CAMK1D: variants seen among roughly 807,000 people sequenced by gnomAD.
CAMK1D encodes calcium/calmodulin dependent protein kinase ID, also known as calcium/calmodulin-dependent protein kinase type 1D.
A neutral mutation model predicts 47.7 loss-of-function variants in CAMK1D; 9 were observed. That is an observed-to-expected ratio of 0.19 (90% CI 0.11 to 0.33). The LOEUF is 0.33. CAMK1D is among the 10% of genes least tolerant of loss of function. The pLI is 1.00. For missense variants in CAMK1D, 291 were observed against 488.7 expected (o/e 0.60, Z 3.81); for synonymous variants, 184 against 184.9 (o/e 0.99, Z 0.04).
intron 3 of CAMK1D, among the ~76,000 whole-genome samples, chr10:12,732,925 A>T (rs1255028015): frequency 2.0e-5 from 3 of 152,040 alleles, no homozygotes; most frequent in Non-Finnish European, 4.4e-5. Context: ...CCTCCTTCTC[A>T]GTTTCCTCAT....
intron 2 of CAMK1D, among the ~76,000 whole-genome samples, chr10:12,560,576 G>C (rs1452165091): frequency 1.3e-5 from 2 of 148,314 alleles, no homozygotes; most frequent in African/African-American, 5.0e-5. Flanking sequence ...AAAAAAAGAA[G>C]AAGAAGAAAG....
At chr10:12,571,739 C>T (rs10128231) in intron 2 of CAMK1D, among the ~76,000 whole-genome samples, 6,522 of 152,060 alleles carry the variant, frequency 0.043, 395 homozygotes, top group African/African-American at 0.14. Context: ...CTTAAAGCTC[C>T]GTGAAGGTAG....
At chr10:12,791,266 C>G in intron 6 of CAMK1D, 33 bp downstream of exon 6, 1 of 1,592,306 alleles carries the variant, frequency 6.3e-7, no homozygotes, top group Non-Finnish European at 8.6e-7. Context: ...GGTTCTTCCT[C>G]TACCGGCCTT....
intron 2 of CAMK1D, among the ~76,000 whole-genome samples, chr10:12,572,041 C>CG (rs1224664785): frequency 7.2e-6 from 1 of 138,324 alleles, no homozygotes; most frequent in Non-Finnish European, 1.6e-5. Flanking sequence ...AAAACTAAAC[C>CG]CCCCCCCAAA....
At chr10:12,707,423 T>C (rs893293402) in intron 3 of CAMK1D, among the ~76,000 whole-genome samples, 1 of 152,196 alleles carries the variant, frequency 6.6e-6, no homozygotes, top group African/African-American at 2.4e-5. Flanking sequence ...CAATTTGGCA[T>C]CCCATATCCT....
At chr10:12,478,433 C>T (rs941363015) in intron 1 of CAMK1D, among the ~76,000 whole-genome samples, 1 of 152,142 alleles carries the variant, frequency 6.6e-6, no homozygotes, top group Non-Finnish European at 1.5e-5. Flanking sequence ...TCCTGAGTAC[C>T]TGGGACTACA....
chr10:12,462,400 G>GCCCATCTCT (rs1470472148), intron 1 of CAMK1D, among the ~76,000 whole-genome samples: 7 of 151,704 alleles, frequency 4.6e-5, no homozygotes, highest in Non-Finnish European at 7.4e-5. Context: ...TCTTGACCTT[G>GCCCATCTCT]TGATCCGCCC....
At chr10:12,535,305 ACT>A (rs1835934650) in intron 1 of CAMK1D, among the ~76,000 whole-genome samples, 1 of 150,692 alleles carries the variant, frequency 6.6e-6, no homozygotes, top group Non-Finnish European at 1.5e-5. Context: ...ACCAAATTTC[ACT>A]CTCTGTTCTG....
chr10:12,440,216 T>G (rs181884015), intron 1 of CAMK1D, among the ~76,000 whole-genome samples: 2 of 152,324 alleles, frequency 1.3e-5, no homozygotes, highest in African/African-American at 4.8e-5. Context: ...AAGTCTTACT[T>G]GCATTATGTT....
chr10:12,774,785 G>C (rs1837205818), intron 5 of CAMK1D, among the ~76,000 whole-genome samples: 1 of 152,256 alleles, frequency 6.6e-6, no homozygotes, highest in Admixed American at 6.5e-5. Flanking sequence ...GTTGTGATCT[G>C]TGCCCGCAAG....
At chr10:12,557,751 C>T (rs893667872) in intron 2 of CAMK1D, among the ~76,000 whole-genome samples, 13 of 152,068 alleles carry the variant, frequency 8.5e-5, no homozygotes, top group Admixed American at 2.6e-4. Context: ...TTTATTTCCA[C>T]GCTATTTTCC....
chr10:12,725,355 T>A (rs1411071329), intron 3 of CAMK1D: 1 of 155,990 alleles, frequency 6.4e-6, no homozygotes, highest in Non-Finnish European at 1.5e-5. Flanking sequence ...GCCTAATATA[T>A]TCTTACGTGT....
At chr10:12,624,995 TTCC>T (rs57078350) in intron 2 of CAMK1D, among the ~76,000 whole-genome samples, 12,628 of 148,300 alleles carry the variant, frequency 0.085, 567 homozygotes, top group African/African-American at 0.11. Flanking sequence ...TTCCTCCTCT[TTCC>T]TCCTCCTCCT....
intron 2 of CAMK1D, among the ~76,000 whole-genome samples, chr10:12,647,252 G>A (rs988278827): frequency 2.0e-5 from 3 of 147,610 alleles, no homozygotes; most frequent in South Asian, 2.2e-4. Context: ...CAGTTGAAGC[G>A]ATCCTCCTGA....
At chr10:12,352,350 C>T (rs558944759) in intron 1 of CAMK1D, among the ~76,000 whole-genome samples, 1 of 152,176 alleles carries the variant, frequency 6.6e-6, no homozygotes, top group Non-Finnish European at 1.5e-5. Context: ...TGGCTCACAC[C>T]TGTAATCCCA....
At chr10:12,433,448 G>A (rs1032037630) in intron 1 of CAMK1D, among the ~76,000 whole-genome samples, 1 of 151,930 alleles carries the variant, frequency 6.6e-6, no homozygotes, top group Non-Finnish European at 1.5e-5. Flanking sequence ...AACAGTCTAG[G>A]CTTCCTTAGA....
chr10:12,460,851 G>T (rs1833401982), intron 1 of CAMK1D, among the ~76,000 whole-genome samples: 1 of 152,170 alleles, frequency 6.6e-6, no homozygotes, highest in Non-Finnish European at 1.5e-5. Context: ...ACAGGTGTGA[G>T]CCAGCACTCC....
chr10:12,631,493 G>T (rs984394426), intron 2 of CAMK1D, among the ~76,000 whole-genome samples: 3 of 152,122 alleles, frequency 2.0e-5, no homozygotes, highest in African/African-American at 7.2e-5. Flanking sequence ...TAGCCAATCA[G>T]GTAAAGTGTA....
chr10:12,788,262 C>T lies in CAMK1D; in HGVS notation c.566-2896C>T, dbSNP rs547816483. Among the ~76,000 whole-genome samples, 4 of 152,278 alleles carry T rather than the reference C, an allele frequency of 2.6e-5. No homozygotes were observed. The East Asian group carries it at 7.7e-4, about 29-fold the overall frequency. Reference sequence around the variant, plus strand: ...ATGGAGTGCAATGGCGTGATCATAGCTCACTGCAGCCTCCAACTCTGGGCA... The same window carrying T: ...ATGGAGTGCAATGGCGTGATCATAGTTCACTGCAGCCTCCAACTCTGGGCA... On this transcript the variant is annotated intron_variant, in intron 5 of 10. Coordinates refer to ENST00000619168, the MANE Select transcript of CAMK1D (RefSeq NM_153498.4).
Sources: allele counts gnomAD v4.1 joint callset (sites outside exome capture counted in the v4.1 genomes callset), GRCh38; gene constraint gnomAD v4.1.1; transcripts MANE v1.5; gene names NCBI Gene and HGNC (gene_info 2026-07-23, HGNC 2026-07-21).